The following DCUN1D1 variants were observed in gnomAD, a reference collection of about 807,000 sequenced individuals.
The protein encoded by DCUN1D1 is DCN1-like protein 1.
DCUN1D1 carries 3 observed loss-of-function variants against 39.0 expected under a neutral mutation model. That is an observed-to-expected ratio of 0.08 (90% CI 0.04 to 0.20). The LOEUF is 0.20. Ranked by LOEUF, DCUN1D1 falls within the 10% of genes least tolerant of loss-of-function variation. The pLI is 1.00. For missense variants in DCUN1D1, 158 were observed against 302.4 expected (o/e 0.52, Z 3.54); for synonymous variants, 82 against 96.3 (o/e 0.85, Z 0.87).
chr3:182,949,802 T>A (rs1726614552), intron 4 of DCUN1D1, among the ~76,000 whole-genome samples: 1 of 152,160 alleles, frequency 6.6e-6, no homozygotes, highest in Non-Finnish European at 1.5e-5. Context: ...CCTGCAAGAC[T>A]GACCCTTAAC....
intron 4 of DCUN1D1, among the ~76,000 whole-genome samples, chr3:182,950,446 A>G (rs1726656751): frequency 6.6e-6 from 1 of 151,956 alleles, no homozygotes; most frequent in African/African-American, 2.4e-5. Context: ...GCGCCCAGCC[A>G]AGTTATCACT....
intron 1 of DCUN1D1, among the ~76,000 whole-genome samples, chr3:182,976,860 C>G (rs1046648568): frequency 2.6e-5 from 4 of 152,140 alleles, no homozygotes; most frequent in African/African-American, 9.7e-5. Flanking sequence ...AACTGATAAC[C>G]TCCTTTATTT....
intron 1 of DCUN1D1, among the ~76,000 whole-genome samples, chr3:182,975,335 TC>T (rs1327690273): frequency 2.6e-5 from 4 of 151,774 alleles, no homozygotes; most frequent in African/African-American, 9.7e-5. Flanking sequence ...TGCTACCACA[TC>T]CAGCTAATTT....
At chr3:182,978,529 G>C (rs569525584) in intron 1 of DCUN1D1, among the ~76,000 whole-genome samples, 1 of 152,224 alleles carries the variant, frequency 6.6e-6, no homozygotes, top group South Asian at 2.1e-4. Context: ...GCTAGCACCA[G>C]CATGCTTGGC....
At chr3:182,981,017 A>C (rs980332644), upstream of DCUN1D1, 4 of 152,108 alleles carry the variant, frequency 2.6e-5, no homozygotes, top group Admixed American at 2.6e-4. Flanking sequence ...AGATAGTGGA[A>C]ACACCTCCCC....
At chr3:182,948,591 G>A (rs1296586453) in intron 4 of DCUN1D1, among the ~76,000 whole-genome samples, 3 of 152,176 alleles carry the variant, frequency 2.0e-5, no homozygotes, top group African/African-American at 7.2e-5. Flanking sequence ...AAAGTGTTTA[G>A]TTTTTATGAG....
chr3:182,965,892 G>C (rs1727643052), intron 1 of DCUN1D1, 139 bp from the exon 2 acceptor site: 11 of 633,812 alleles, frequency 1.7e-5, no homozygotes, highest in South Asian at 1.7e-4. Context: ...ATTTATTTTT[G>C]ATCTATTATT....
rs954232581 is a variant in DCUN1D1 at position 182,955,397 on chromosome 3, GTCT to G, written c.520+5826_520+5828del. 4.0e-5 allele frequency: 22 copies of G among 543,372 alleles called. 1 individual carries two copies. The highest frequency in any genetic ancestry group is 2.9e-4 in the South Asian group (21 of 72,072). 33.7% of individuals were successfully genotyped at this position (543,372 alleles called of 1,614,324 possible). Reference sequence around the variant, plus strand: ...GTTCTTTATTGAACAGAATAGCAATGTCTTCTTCTTCCCACATTTTGCGCAAAC... The same window carrying G: ...GTTCTTTATTGAACAGAATAGCAATGTCTTCTTCCCACATTTTGCGCAAAC... On this transcript the variant is annotated intron_variant, in intron 4 of 6. Coordinates refer to ENST00000292782, the MANE Select transcript of DCUN1D1 (RefSeq NM_020640.4).
rs763048538 is a variant in DCUN1D1, at chr3:182,964,046, G to A, written c.224C>T (p.Pro75Leu). The A allele has an allele frequency of 1.9e-6, 3 of 1,609,098 alleles. No homozygotes were observed. The South Asian group carries it at 3.3e-5, about 18-fold the overall frequency. ...TATTCCAATTTTATTCTCATCTTGA[G>A]GGTCTTTAAAAATAACAATGCAATA... ...LEQLYNRYKD[P>L]QDENKIGIDG... The change falls in exon 3 of 7, where the codon CCT becomes CTT. Residue 75 changes from proline to leucine, a missense_variant. Physicochemically the swap from Pro to Leu is moderately conservative, Grantham distance 98 (BLOSUM62 -3). Transcript: ENST00000292782.
chr3:182,964,719 T>C (rs1276568596), intron 2 of DCUN1D1, among the ~76,000 whole-genome samples: 1 of 150,740 alleles, frequency 6.6e-6, no homozygotes, highest in East Asian at 1.9e-4. Flanking sequence ...TAGCTCACTG[T>C]AACCTCTGCC....
chr3:182,946,677 G>C (rs1726424060), intron 6 of DCUN1D1, among the ~76,000 whole-genome samples: 1 of 151,180 alleles, frequency 6.6e-6, no homozygotes, highest in African/African-American at 2.4e-5. Context: ...GAAGTAAAAA[G>C]GTTCCTAAAC....
chr3:182,983,843 C>CA (rs1462962663), upstream of DCUN1D1, among the ~76,000 whole-genome samples: 1 of 152,210 alleles, frequency 6.6e-6, no homozygotes, highest in African/African-American at 2.4e-5. Context: ...GTACTCAACT[C>CA]AAAGACCATC....
chr3:182,939,676 G>GA lies in DCUN1D1; in HGVS notation c.*5417_*5418insT, dbSNP rs1485532167. ...TCTGTACAGAAAGCAGATCAGTGTG[G>GA]CTGCGTGGGGCTGGAGGCAGGAGCA... On this transcript the variant is annotated 3_prime_UTR_variant, in exon 7 of 7. Coordinates refer to ENST00000292782, the MANE Select transcript of DCUN1D1 (RefSeq NM_020640.4). The GA allele has an allele frequency of 6.6e-6, 1 of 152,232 alleles. No individual in the cohort carries two copies. The highest frequency in any genetic ancestry group is 1.9e-4 in the East Asian group (1 of 5,198). The allele number at this position is 152,232 out of a possible 1,614,324, so 9.4% of individuals were successfully genotyped here.
At position 182,963,967 on chromosome 3, in the gene DCUN1D1, A is replaced by G; in HGVS notation, c.303T>C (p.Ser101=). Residue 101 remains serine, a synonymous_variant, in exon 3 of 7, where the codon AGT becomes AGC. Transcript: ENST00000292782. ...TGAACTTCCACGCAATAATCAACAC[A>G]CTAATGCTGGCTGGATCGAGTGCCA... ...DDLALDPASI[S]VLIIAWKFRA... 1.9e-6 allele frequency: 3 copies of G among 1,614,126 alleles called. No individual in the cohort carries two copies. Among genetic ancestry groups the G allele is most frequent in the Middle Eastern group, 1.6e-4 (1 of 6,062 alleles).
chr3:182,962,295 CCTT>C (rs1484434910), intron 3 of DCUN1D1, among the ~76,000 whole-genome samples: 7 of 152,324 alleles, frequency 4.6e-5, no homozygotes, highest in African/African-American at 1.4e-4. Flanking sequence ...TTAAACCTAT[CCTT>C]CTTTGCCCTA....
In DCUN1D1 at chr3:182,963,597, A is replaced by G. The variant is rs546032416; in HGVS notation, c.389+284T>C. Among the ~76,000 whole-genome samples the G allele has an allele frequency of 1.8e-3, 271 of 152,312 alleles. 2 individuals carry two copies. The highest frequency in any genetic ancestry group is 4.8e-3 in the Admixed American group (73 of 15,306). ...TAGGAAATAACTTTAAAACTTGGTC[A>G]TTTCACTTTTCCATAGTAAATATTA... On this transcript the variant is annotated intron_variant, in intron 3 of 6. Coordinates refer to ENST00000292782, the MANE Select transcript of DCUN1D1 (RefSeq NM_020640.4).
At chr3:182,954,540 A>C (rs1478229871) in intron 4 of DCUN1D1, among the ~76,000 whole-genome samples, 2 of 152,188 alleles carry the variant, frequency 1.3e-5, no homozygotes, top group Non-Finnish European at 2.9e-5. Flanking sequence ...GTATAAATGC[A>C]TGAACTTTTC....
In DCUN1D1 at chr3:182,976,348, C is replaced by T. The variant is rs532886932; in HGVS notation, c.3+4139G>A. Among the ~76,000 whole-genome samples, 94 of 151,964 alleles carry T rather than the reference C, an allele frequency of 6.2e-4. 1 individual carries two copies. Among genetic ancestry groups the T allele is most frequent in the Admixed American group, 4.7e-3 (72 of 15,246 alleles). ...TTCTCTAGGATAAAAGCCCAGTATC[C>T]TTACAGTGTCCACCCATGCCTACCC... On this transcript the variant is annotated intron_variant, in intron 1 of 6. Transcript: ENST00000292782.
intron 1 of DCUN1D1, among the ~76,000 whole-genome samples, chr3:182,979,606 C>CCT (rs1560185315): frequency 2.0e-5 from 3 of 147,886 alleles, no homozygotes; most frequent in Non-Finnish European, 4.5e-5. Context: ...TTTTTCCCCC[C>CCT]CCCAAACAAA....
Sources: gnomAD v4.1 joint callset for allele counts (sites outside exome capture counted in the v4.1 genomes callset) on GRCh38, gnomAD v4.1.1 for gene constraint, MANE v1.5 for transcripts, NCBI Gene and HGNC (gene_info 2026-07-23, HGNC 2026-07-21) for gene names.